The following KRT78 variants were observed in gnomAD, a reference collection of about 807,000 sequenced individuals.
KRT78 encodes keratin, type II cytoskeletal 78.
KRT78 carries 55 observed loss-of-function variants against 51.4 expected under a neutral mutation model. The observed-to-expected ratio is 1.07, with a 90% CI of 0.86 to 1.34. The LOEUF is 1.34. Among genes scored for constraint, KRT78 ranks in the 40% most tolerant of loss-of-function variants. The pLI is 0.00. For missense variants in KRT78, 652 were observed against 649.4 expected (o/e 1.00, Z -0.04); for synonymous variants, 291 against 264.3 (o/e 1.10, Z -0.98).
Position 52,844,575 on chromosome 12 carries a change from G to A in KRT78, c.905C>T (p.Ala302Val). The change falls in exon 5 of 9, where the codon GCC becomes GTC. Residue 302 changes from alanine (A) to valine (V), a missense_variant. Coordinates refer to ENST00000304620, the MANE Select transcript of KRT78 (RefSeq NM_173352.4). ...TCCCACCACCTTGGTCTGGTACAAG[G>A]CCTCAGCCTCAGCCTTGCTGCTCCG... Reference protein sequence around the residue: ...IARSSKAEAEALYQTKYQELQ... With the variant: ...IARSSKAEAEVLYQTKYQELQ... The A allele has an allele frequency of 6.2e-7, 1 of 1,613,604 alleles. No individual in the cohort carries two copies. The highest frequency in any genetic ancestry group is 8.5e-7 in the Non-Finnish European group (1 of 1,179,688).
rs199880767 is a variant in KRT78, at chr12:52,848,829, G to T, written c.102C>A (p.Gly34=). 3 of 1,607,978 alleles carry T rather than the reference G, an allele frequency of 1.9e-6. No homozygotes were observed. The highest frequency in any genetic ancestry group is 2.2e-5 in the East Asian group (1 of 44,818). The change falls in exon 1 of 9, where the codon GGC becomes GGA. Residue 34 remains glycine (G), a synonymous_variant. Transcript: ENST00000304620. ...AATTAAGGCTCCTGCTGCTGAAGCC[G>T]CCCCTGCTGCTGAAGCCTCCCCTGC... is the stretch of plus-strand genomic sequence containing the variant. The part of the protein sequence containing the change: ...GRSRGGFSSR[G]GFSSRSLNSF...
At position 52,844,164 on chromosome 12, in the gene KRT78, T is replaced by C. The variant is rs767397443; in HGVS notation, c.976A>G (p.Lys326Glu). Residue 326 changes from lysine (K) to glutamate (E), a missense_variant, in exon 6 of 9, where the codon AAA becomes GAA. Lys to Glu is a moderately conservative substitution (Grantham distance 56). Coordinates refer to ENST00000304620, the MANE Select transcript of KRT78 (RefSeq NM_173352.4). The stretch of plus-strand genomic sequence containing the variant: ...TGGTGTAGCTGAGAGATCTGGACTT[T>C]CGTTTCCTGCATCCTGTCCCCATGA... ...QLHGDRMQET[K>E]VQISQLHQEI... 1.4e-5 allele frequency: 23 copies of C among 1,611,832 alleles called. No homozygotes were observed. The highest frequency in any genetic ancestry group is 1.1e-4 in the African/African-American group (8 of 74,662).
chr12:52,847,164 G>A (rs1007022324), intron 2 of KRT78, among the ~76,000 whole-genome samples: 2 of 152,194 alleles, frequency 1.3e-5, no homozygotes, highest in African/African-American at 2.4e-5. Flanking sequence ...CAGATGACTA[G>A]GTAGACAAAG....
intron 6 of KRT78, among the ~76,000 whole-genome samples, chr12:52,843,012 G>C (rs867648687): frequency 4.3e-5 from 3 of 70,016 alleles, no homozygotes; most frequent in Admixed American, 1.4e-4. Context: ...GAAGGAAGGA[G>C]GGAGGGAGGG....
intron 6 of KRT78, among the ~76,000 whole-genome samples, chr12:52,843,849 C>A: frequency 6.6e-6 from 1 of 152,208 alleles, no homozygotes. Context: ...CAGGGGAGTG[C>A]GATCCAGTGG....
chr12:52,840,637 G>C (rs1940472642), intron 6 of KRT78, among the ~76,000 whole-genome samples: 1 of 152,122 alleles, frequency 6.6e-6, no homozygotes, highest in African/African-American at 2.4e-5. Flanking sequence ...AACCCGGGAG[G>C]TGGAGGTTGC....
chr12:52,838,878 A>G lies in KRT78; in HGVS notation c.*235T>C. On this transcript the variant is annotated 3_prime_UTR_variant, in exon 9 of 9. Transcript: ENST00000304620. ...ACACGTCTGGACACAGATATGCCACAATTGCCTTCCGAGGAGAGGAAGCTG... is the reference window on the plus strand; with the variant it reads ...ACACGTCTGGACACAGATATGCCACGATTGCCTTCCGAGGAGAGGAAGCTG... 2 of 580,308 alleles carry G rather than the reference A, an allele frequency of 3.4e-6. No individual in the cohort carries two copies. Among genetic ancestry groups the G allele is most frequent in the Non-Finnish European group, 6.1e-6 (2 of 326,270 alleles). 35.9% of individuals were successfully genotyped at this position (580,308 alleles called of 1,614,324 possible).
chr12:52,844,541 C>A lies in KRT78; in HGVS notation c.921+18G>T, dbSNP rs1027688362. On this transcript the variant is annotated intron_variant, in intron 5 of 8. Transcript: ENST00000304620. ...CCTAGCCATTTCCAGCATGGTGCTG[C>A]CCCCCAGGTCCCACCACCTTGGTCT... 57 of 1,605,406 alleles carry A rather than the reference C, an allele frequency of 3.6e-5. No individual in the cohort carries two copies. Among genetic ancestry groups the A allele is most frequent in the Non-Finnish European group, 4.3e-5 (51 of 1,175,464 alleles).
intron 2 of KRT78, 56 bp from the exon 3 acceptor site, chr12:52,846,880 C>A (rs1565701292): frequency 8.7e-6 from 12 of 1,374,540 alleles, no homozygotes; most frequent in Non-Finnish European, 1.1e-5. Flanking sequence ...GAGCTCATGC[C>A]CCCATGTCCG....
chr12:52,839,029 G>C lies in KRT78; in HGVS notation c.*84C>G, dbSNP rs1940409830. The C allele has an allele frequency of 2.0e-6, 3 of 1,499,898 alleles. No homozygotes were observed. Among genetic ancestry groups the C allele is most frequent in the Non-Finnish European group, 2.7e-6 (3 of 1,112,116 alleles). 92.9% of individuals were successfully genotyped at this position (1,499,898 alleles called of 1,614,324 possible). ...TGTGGGCTGGCTTGGGCTGTGGGCA[G>C]CGGACACGGAGTTGGCCTTGCAGAG... On this transcript the variant is annotated 3_prime_UTR_variant, in exon 9 of 9. Transcript: ENST00000304620.
In KRT78 at chr12:52,839,390, G is replaced by A. The variant is rs190394323; in HGVS notation, c.1304-18C>T. ...CACCGAGGCTGCCAAGAAACGCACC[G>A]GGTCAGAGCAGGGTCATCAGCTCCC... On this transcript the variant is annotated intron_variant, in intron 8 of 8. Coordinates refer to ENST00000304620, the MANE Select transcript of KRT78 (RefSeq NM_173352.4). 1.5e-4 allele frequency: 246 copies of A among 1,612,994 alleles called. 1 individual carries two copies. In the East Asian group the frequency reaches 2.9e-3, roughly 19 times the overall value.
Position 52,839,237 on chromosome 12 carries a change from A to T in KRT78, c.1439T>A (p.Leu480Gln), listed in dbSNP as rs767740512. 3 of 1,612,070 alleles carry T rather than the reference A, an allele frequency of 1.9e-6. No homozygotes were observed. Among genetic ancestry groups the T allele is most frequent in the Non-Finnish European group, 2.5e-6 (3 of 1,179,238 alleles). ...CAAAACAGGGTCCTTCCCAGAGCCC[A>T]GAATGATGTTGGAGCCTCCAGTCAC... ...SIVTGGSNII[L>Q]GSGKDPVLDS... The change falls in exon 9 of 9, where the codon CTG becomes CAG. Residue 480 changes from leucine to glutamine, a missense_variant. By Grantham distance (113) the Leu-to-Gln change is moderately radical. Coordinates refer to ENST00000304620, the MANE Select transcript of KRT78 (RefSeq NM_173352.4).
chr12:52,839,904 G>T lies in KRT78; in HGVS notation c.1128C>A (p.Asp376Glu). The T allele has an allele frequency of 6.2e-7, 1 of 1,613,960 alleles. No homozygotes were observed. The highest frequency in any genetic ancestry group is 8.5e-7 in the Non-Finnish European group (1 of 1,179,996). Residue 376 changes from aspartate to glutamate, a missense_variant, in exon 7 of 9, where the codon GAC (aspartate) becomes GAA (glutamate). Physicochemically the swap from Asp to Glu is conservative, Grantham distance 45. Transcript: ENST00000304620. ...LALKDAQAKV[D>E]ELEAALRMAK... ...CCATCCTCAGAGCAGCCTCCAGCTC[G>T]TCCACCTTGGCCTGAGCGTCCTTGA...
chr12:52,846,038 T>G, intron 4 of KRT78, 159 bp downstream of exon 4: 7 of 603,946 alleles, frequency 1.2e-5, no homozygotes, highest in Non-Finnish European at 2.1e-5. Flanking sequence ...GCAATTCACA[T>G]AGTAAGTTTT....
intron 6 of KRT78, 76 bp downstream of exon 6, chr12:52,844,017 G>A (rs1362474071): frequency 1.3e-5 from 21 of 1,568,002 alleles, no homozygotes; most frequent in African/African-American, 2.8e-5. Flanking sequence ...CAACTGGAGA[G>A]AGAAGCTAGG....
In KRT78 at chr12:52,848,040, G is replaced by T. The variant is rs759104707; in HGVS notation, c.466C>A (p.Gln156Lys). The T allele has an allele frequency of 1.2e-6, 2 of 1,614,038 alleles. No individual in the cohort carries two copies. Among genetic ancestry groups the T allele is most frequent in the African/African-American group, 2.7e-5 (2 of 74,926 alleles). The change falls in exon 2 of 9, where the codon CAG becomes AAG. Residue 156 changes from glutamine to lysine, a missense_variant. Physicochemically the swap from Gln to Lys is moderately conservative, Grantham distance 53. Coordinates refer to ENST00000304620, the MANE Select transcript of KRT78 (RefSeq NM_173352.4). ...LQQQGLSGSQ[Q>K]GLEPVFEACL... is the part of the protein sequence containing the mutation. ...GCCTCAAAGACAGGCTCCAGGCCCTGCTGGCTGCCACTCAACCCCTGTTGC... is the reference window on the plus strand; with the variant it reads ...GCCTCAAAGACAGGCTCCAGGCCCTTCTGGCTGCCACTCAACCCCTGTTGC...
intron 2 of KRT78, 80 bp from the exon 3 acceptor site, chr12:52,846,904 T>C: frequency 9.7e-7 from 1 of 1,028,358 alleles, no homozygotes; most frequent in Non-Finnish European, 1.5e-6. Flanking sequence ...ATGACCTCCC[T>C]GAAAAGGACT....
At chr12:52,846,370 A>C (rs752927979) in intron 3 of KRT78, 78 bp from the exon 4 acceptor site, 2 of 899,948 alleles carry the variant, frequency 2.2e-6, no homozygotes, top group Non-Finnish European at 3.8e-6. Flanking sequence ...AATTCTGTTC[A>C]TGCACTGCTC....
chr12:52,843,955 T>C, intron 6 of KRT78, 138 bp downstream of exon 6: 2 of 1,037,956 alleles, frequency 1.9e-6, no homozygotes, highest in Non-Finnish European at 2.9e-6. Context: ...CCCCAAATTA[T>C]CCAAAGCTCC....
Sources: gnomAD v4.1 joint callset for allele counts (sites outside exome capture counted in the v4.1 genomes callset) on GRCh38, gnomAD v4.1.1 for gene constraint, MANE v1.5 for transcripts, NCBI Gene and HGNC (gene_info 2026-07-23, HGNC 2026-07-21) for gene names.